ANO3: variants seen among roughly 807,000 people sequenced by gnomAD.
ANO3 encodes anoctamin 3, also known as anoctamin-3.
In ANO3, 99 loss-of-function variants were observed where a neutral mutation model predicts 144.8. The ratio of observed to expected loss-of-function variants is 0.68; its 90% CI spans 0.58 to 0.81. The LOEUF (loss-of-function observed/expected upper bound fraction) is 0.81. Among genes scored for constraint, ANO3 ranks in the 30% least tolerant of loss-of-function variants. The pLI is 0.00. For missense variants in ANO3, 905 were observed against 1,202.2 expected (o/e 0.75, Z 3.66); for synonymous variants, 414 against 392.6 (o/e 1.05, Z -0.64).
intron 14 of ANO3, among the ~76,000 whole-genome samples, chr11:26,591,542 G>A (rs1851452751): frequency 1.3e-5 from 2 of 152,182 alleles, no homozygotes; most frequent in Admixed American, 6.5e-5. Context: ...ATGGTTGTGG[G>A]TGGTGAAAGT....
At chr11:26,201,582 A>G (rs1851693380) in intron 1 of ANO3, among the ~76,000 whole-genome samples, 1 of 152,062 alleles carries the variant, frequency 6.6e-6, no homozygotes, top group Non-Finnish European at 1.5e-5. Flanking sequence ...GACTTCGATC[A>G]AAAGCTAAGT....
intron 17 of ANO3, among the ~76,000 whole-genome samples, chr11:26,607,615 G>A (rs1206103332): frequency 6.6e-6 from 1 of 152,124 alleles, no homozygotes; most frequent in East Asian, 1.9e-4. Context: ...GGGTGTTAAG[G>A]CCTCCTACTA....
At chr11:26,374,012 C>T (rs183030573) in intron 1 of ANO3, among the ~76,000 whole-genome samples, 5 of 152,108 alleles carry the variant, frequency 3.3e-5, no homozygotes, top group African/African-American at 1.2e-4. Context: ...GTAGTGCTTC[C>T]ATGCCCACCC....
chr11:26,315,018 T>A (rs1854588970), intron 1 of ANO3, among the ~76,000 whole-genome samples: 1 of 152,182 alleles, frequency 6.6e-6, no homozygotes, highest in African/African-American at 2.4e-5. Context: ...CCAATAGTTT[T>A]ATGAGTAAAT....
chr11:26,615,618 T>A (rs139568158), intron 17 of ANO3, among the ~76,000 whole-genome samples: 1 of 152,196 alleles, frequency 6.6e-6, no homozygotes, highest in East Asian at 1.9e-4. Flanking sequence ...ACCTCTCTAG[T>A]GCATAGAAGA....
intron 4 of ANO3, among the ~76,000 whole-genome samples, chr11:26,477,901 T>C (rs372656298): frequency 2.3e-3 from 352 of 152,262 alleles, no homozygotes; most frequent in African/African-American, 8.1e-3. Flanking sequence ...AACAGATATA[T>C]GAACAGGGAT....
chr11:26,577,607 A>C (rs376306074), intron 14 of ANO3, among the ~76,000 whole-genome samples: 1 of 151,840 alleles, frequency 6.6e-6, no homozygotes, highest in East Asian at 1.9e-4. Flanking sequence ...GTATTACAGC[A>C]TGGCAGCCTC....
intron 1 of ANO3, among the ~76,000 whole-genome samples, chr11:26,323,468 G>A (rs1854809148): frequency 1.3e-5 from 2 of 152,086 alleles, no homozygotes; most frequent in South Asian, 2.1e-4. Context: ...AATATTAAAT[G>A]GCTGGATAAA....
intron 1 of ANO3, among the ~76,000 whole-genome samples, chr11:26,405,934 T>C (rs1857265900): frequency 6.6e-6 from 1 of 151,854 alleles, no homozygotes; most frequent in Non-Finnish European, 1.5e-5. Context: ...AAGCTTTTTT[T>C]TCATTCTCTA....
At position 26,567,079 on chromosome 11, in the gene ANO3, A is replaced by T. The variant is rs566671441; in HGVS notation, c.1447+7300A>T. The T allele has an allele frequency of 6.0e-6, 9 of 1,502,988 alleles. No homozygotes were observed. The East Asian group carries it at 2.3e-4, about 38-fold the overall frequency. 93.1% of individuals were successfully genotyped at this position (1,502,988 alleles called of 1,614,324 possible). A position where few individuals can be genotyped will look rare whatever the true frequency, so the allele number is the denominator to read the frequency against. Reference sequence around the variant, plus strand: ...CAATCCCTTGATGTGGCAAGAATAGATTGTATTATGCCCATTTTGCAGATG... The same window carrying T: ...CAATCCCTTGATGTGGCAAGAATAGTTTGTATTATGCCCATTTTGCAGATG... On this transcript the variant is annotated intron_variant, in intron 14 of 26. Coordinates refer to ENST00000256737, the MANE Select transcript of ANO3 (RefSeq NM_031418.4).
chr11:26,556,384 A>G (rs61877021), intron 13 of ANO3, among the ~76,000 whole-genome samples: 4,325 of 99,994 alleles, frequency 0.043, 100 homozygotes, highest in Non-Finnish European at 0.075. Context: ...CTCAATACCC[A>G]GTATGAACCT....
chr11:26,591,054 A>G (rs1851435450), intron 14 of ANO3, among the ~76,000 whole-genome samples: 1 of 152,054 alleles, frequency 6.6e-6, no homozygotes, highest in Non-Finnish European at 1.5e-5. Context: ...CTTTTAGCCT[A>G]ATTGGTATTT....
Position 26,598,947 on chromosome 11 carries a change from C to T in ANO3, c.1620C>T (p.Ser540=), listed in dbSNP as rs1166889854. 1 of 1,613,996 alleles carries T rather than the reference C, an allele frequency of 6.2e-7. No individual in the cohort carries two copies. The highest frequency in any genetic ancestry group is 1.7e-5 in the Admixed American group (1 of 60,012). ...GAAAACCTGAACCACATCAGCCTTC[C>T]TCAGACAAAGTCACTCGTCTTCTTG... ...ITGKPEPHQP[S]SDKVTRLLVS... The change falls in exon 16 of 27, where the codon TCC becomes TCT. Residue 540 remains serine, a synonymous_variant. Coordinates refer to ENST00000256737, the MANE Select transcript of ANO3 (RefSeq NM_031418.4).
At chr11:26,509,449 A>T (rs796402500) in intron 5 of ANO3, among the ~76,000 whole-genome samples, 43 of 152,122 alleles carry the variant, frequency 2.8e-4, no homozygotes, top group African/African-American at 1.0e-3. Flanking sequence ...AGTAGCTGGA[A>T]TTACAGGAAC....
chr11:26,315,976 C>T (rs1345874822), intron 1 of ANO3, among the ~76,000 whole-genome samples: 1 of 152,110 alleles, frequency 6.6e-6, no homozygotes, highest in East Asian at 1.9e-4. Context: ...CACTCTTTTA[C>T]TAAAGACCTA....
intron 14 of ANO3, among the ~76,000 whole-genome samples, chr11:26,562,754 G>T (rs2134254063): frequency 6.6e-6 from 1 of 151,962 alleles, no homozygotes; most frequent in Non-Finnish European, 1.5e-5. Flanking sequence ...GCTACTTAAT[G>T]ATCTAACAAT....
At chr11:26,514,370 A>G (rs541913101) in intron 5 of ANO3, among the ~76,000 whole-genome samples, 1 of 152,182 alleles carries the variant, frequency 6.6e-6, no homozygotes, top group African/African-American at 2.4e-5. Flanking sequence ...AGAAAAAAAC[A>G]TTTCTGGAGA....
At chr11:26,382,787 A>G (rs1354099733) in intron 1 of ANO3, among the ~76,000 whole-genome samples, 1 of 152,182 alleles carries the variant, frequency 6.6e-6, no homozygotes, top group East Asian at 1.9e-4. Context: ...GTGTTACCCA[A>G]GCTGGGAGAG....
intron 18 of ANO3, among the ~76,000 whole-genome samples, chr11:26,629,735 A>G (rs1852714055): frequency 6.6e-6 from 1 of 152,074 alleles, no homozygotes; most frequent in Admixed American, 6.6e-5. Flanking sequence ...AGGTTCAAGC[A>G]GTCCTCTTGC....
Sources: gnomAD v4.1 joint callset for allele counts (sites outside exome capture counted in the v4.1 genomes callset) on GRCh38, gnomAD v4.1.1 for gene constraint, MANE v1.5 for transcripts, NCBI Gene and HGNC (gene_info 2026-07-23, HGNC 2026-07-21) for gene names.